RNGTT: variants seen among roughly 807,000 people sequenced by gnomAD.
The protein encoded by RNGTT is mRNA-capping enzyme.
RNGTT carries 33 observed loss-of-function variants against 79.3 expected under a neutral mutation model. That is an observed-to-expected ratio of 0.42 (90% confidence interval 0.32 to 0.56). The LOEUF (loss-of-function observed/expected upper bound fraction) is 0.56, where lower values mean the gene tolerates loss of function less well. RNGTT is among the 20% of genes least tolerant of loss of function. The pLI is 0.17. For synonymous variants in RNGTT, 222 were observed against 235.9 expected (o/e 0.94, Z 0.54); for missense variants, 497 against 739.1 (o/e 0.67, Z 3.80).
chr6:88,645,541 G>T (rs1161581484), intron 14 of RNGTT, among the ~76,000 whole-genome samples: 1 of 152,158 alleles, frequency 6.6e-6, no homozygotes. Context: ...AGCCTGCATT[G>T]TCAAGACAAT....
chr6:88,931,426 G>C (rs975433455), intron 2 of RNGTT, among the ~76,000 whole-genome samples: 1 of 152,160 alleles, frequency 6.6e-6, no homozygotes, highest in South Asian at 2.1e-4. Flanking sequence ...GGTATGTGGT[G>C]AGGGACTAGG....
At chr6:88,926,410 A>G (rs1451308305) in intron 4 of RNGTT, among the ~76,000 whole-genome samples, 2 of 152,152 alleles carry the variant, frequency 1.3e-5, no homozygotes, top group Non-Finnish European at 2.9e-5. Context: ...TCAGTGACTT[A>G]ATAGAGGTGG....
At chr6:88,633,986 T>C (rs1755994831) in intron 14 of RNGTT, among the ~76,000 whole-genome samples, 1 of 152,172 alleles carries the variant, frequency 6.6e-6, no homozygotes, top group African/African-American at 2.4e-5. Context: ...ATCATATTCA[T>C]CACATACCAA....
chr6:88,953,937 T>G (rs1785341157), intron 1 of RNGTT, among the ~76,000 whole-genome samples: 3 of 152,146 alleles, frequency 2.0e-5, no homozygotes, highest in Non-Finnish European at 4.4e-5. Context: ...AATTGGCCAC[T>G]ACAAGAAATG....
Position 88,699,745 on chromosome 6 carries a change from A to T in RNGTT, c.1440-21326T>A, listed in dbSNP as rs184930425. 2.4e-4 allele frequency among the ~76,000 whole-genome samples: 37 copies of T among 152,346 alleles called. No homozygotes were observed. In the East Asian group the frequency reaches 7.1e-3, roughly 29 times the overall value. Reference sequence around the variant, plus strand: ...GGAACATTATTCAGCCTTAAAAGGAATGACATTCTGACATGTTATAATATG... The same window carrying T: ...GGAACATTATTCAGCCTTAAAAGGATTGACATTCTGACATGTTATAATATG... On this transcript the variant is annotated intron_variant, in intron 13 of 15. Coordinates refer to ENST00000369485, the MANE Select transcript of RNGTT (RefSeq NM_003800.5).
intron 12 of RNGTT, among the ~76,000 whole-genome samples, chr6:88,788,321 C>T (rs73754826): frequency 0.022 from 3,367 of 151,906 alleles, 111 homozygotes; most frequent in African/African-American, 0.077. Flanking sequence ...TGGTAGAAGA[C>T]GGAAGAGCTC....
intron 13 of RNGTT, among the ~76,000 whole-genome samples, chr6:88,753,876 A>G (rs1777920744): frequency 6.6e-6 from 1 of 152,134 alleles, no homozygotes; most frequent in South Asian, 2.1e-4. Context: ...TCAGATATTT[A>G]GAAAGTACGG....
At chr6:88,848,898 AT>A (rs1781575948) in intron 10 of RNGTT, among the ~76,000 whole-genome samples, 1 of 151,980 alleles carries the variant, frequency 6.6e-6, no homozygotes, top group Non-Finnish European at 1.5e-5. Flanking sequence ...TCCTTACATT[AT>A]TTTTCAGACT....
chr6:88,793,810 G>C (rs545497792), intron 12 of RNGTT, among the ~76,000 whole-genome samples: 1 of 152,152 alleles, frequency 6.6e-6, no homozygotes, highest in South Asian at 2.1e-4. Flanking sequence ...ACCAAAAAAA[G>C]AAATCATGGC....
chr6:88,883,709 A>G (rs1053046694), intron 8 of RNGTT, among the ~76,000 whole-genome samples: 23 of 152,216 alleles, frequency 1.5e-4, no homozygotes, highest in East Asian at 7.7e-4. Context: ...AATATGAGAG[A>G]ATTCTTCTTC....
intron 14 of RNGTT, among the ~76,000 whole-genome samples, chr6:88,667,640 T>G (rs953908806): frequency 2.0e-5 from 3 of 152,176 alleles, no homozygotes; most frequent in Non-Finnish European, 2.9e-5. Flanking sequence ...ACCCGTGTGC[T>G]TCTTCGAGAT....
intron 11 of RNGTT, among the ~76,000 whole-genome samples, chr6:88,835,846 T>G (rs1374862028): frequency 1.3e-5 from 2 of 151,714 alleles, no homozygotes; most frequent in African/African-American, 2.4e-5. Context: ...TAGAAAGTAT[T>G]ATAATTAGCC....
intron 13 of RNGTT, among the ~76,000 whole-genome samples, chr6:88,710,868 T>A (rs1776294422): frequency 6.6e-6 from 1 of 152,196 alleles, no homozygotes; most frequent in South Asian, 2.1e-4. Flanking sequence ...AGTTAGACTA[T>A]CTTTAGTAAA....
At chr6:88,633,767 G>A (rs1357111951) in intron 14 of RNGTT, among the ~76,000 whole-genome samples, 1 of 152,166 alleles carries the variant, frequency 6.6e-6, no homozygotes, top group Non-Finnish European at 1.5e-5. Flanking sequence ...AGGGTAATTA[G>A]TAGTTGGATC....
chr6:88,668,242 A>C (rs1774494390), intron 14 of RNGTT, among the ~76,000 whole-genome samples: 1 of 152,168 alleles, frequency 6.6e-6, no homozygotes, highest in Non-Finnish European at 1.5e-5. Context: ...CCATGAAGGT[A>C]GAAGGAATTC....
At chr6:88,779,983 G>C (rs916228656) in intron 12 of RNGTT, among the ~76,000 whole-genome samples, 7 of 152,146 alleles carry the variant, frequency 4.6e-5, no homozygotes, top group African/African-American at 1.4e-4. Flanking sequence ...AATAGGGTGA[G>C]ACTCTGTCTC....
intron 1 of RNGTT, among the ~76,000 whole-genome samples, chr6:88,946,459 C>CTT (rs1386399497): frequency 6.6e-6 from 1 of 152,100 alleles, no homozygotes; most frequent in East Asian, 1.9e-4. Context: ...ACAATGGCCT[C>CTT]TAAGTGTTCA....
At chr6:88,646,082 T>C (rs1773543229) in intron 14 of RNGTT, among the ~76,000 whole-genome samples, 1 of 152,016 alleles carries the variant, frequency 6.6e-6, no homozygotes, top group South Asian at 2.1e-4. Flanking sequence ...AAGAAAATTT[T>C]TGCAATCTAC....
At chr6:88,675,242 G>T (rs1249124240) in intron 14 of RNGTT, among the ~76,000 whole-genome samples, 1 of 151,892 alleles carries the variant, frequency 6.6e-6, no homozygotes, top group Non-Finnish European at 1.5e-5. Flanking sequence ...AAAGCTTAAT[G>T]GAATCAATTA....
Sources: gnomAD v4.1 joint callset for allele counts (sites outside exome capture counted in the v4.1 genomes callset) on GRCh38, gnomAD v4.1.1 for gene constraint, MANE v1.5 for transcripts, NCBI Gene and HGNC (gene_info 2026-07-23, HGNC 2026-07-21) for gene names.